Variants in ARHGAP39 observed in about 807,000 individuals in gnomAD.
The protein encoded by ARHGAP39 is rho GTPase-activating protein 39.
ARHGAP39 carries 44 observed loss-of-function variants against 106.9 expected under a neutral mutation model. The ratio of observed to expected loss-of-function variants is 0.41; its 90% CI spans 0.32 to 0.53. The LOEUF (loss-of-function observed/expected upper bound fraction) is 0.53. Ranked by LOEUF, ARHGAP39 falls within the 20% of genes least tolerant of loss-of-function variation. ARHGAP39 has a pLI of 0.21. For synonymous variants in ARHGAP39, 768 were observed against 693.2 expected (o/e 1.11, Z -1.69); for missense variants, 1,496 against 1,577.3 (o/e 0.95, Z 0.87).
At chr8:144,595,226 T>C (rs912819490) in intron 2 of ARHGAP39, among the ~76,000 whole-genome samples, 2 of 152,038 alleles carry the variant, frequency 1.3e-5, no homozygotes, top group Non-Finnish European at 2.9e-5. Context: ...AGAAGCAAAA[T>C]GTGGCCCATC....
chr8:144,658,172 C>T (rs1364962708), intron 1 of ARHGAP39, among the ~76,000 whole-genome samples: 20 of 152,080 alleles, frequency 1.3e-4, no homozygotes, highest in East Asian at 3.8e-4. Context: ...TGAAATGGCG[C>T]GATCTTGGCT....
At chr8:144,649,453 AAATAAT>A (rs542854582) in intron 1 of ARHGAP39, among the ~76,000 whole-genome samples, 6 of 151,928 alleles carry the variant, frequency 3.9e-5, no homozygotes, top group African/African-American at 9.7e-5. Context: ...CCGTCTCAAA[AAATAAT>A]AATAATAAAT....
intron 1 of ARHGAP39, among the ~76,000 whole-genome samples, chr8:144,663,539 A>G (rs1821887050): frequency 6.6e-6 from 1 of 152,168 alleles, no homozygotes; most frequent in Non-Finnish European, 1.5e-5. Flanking sequence ...ATTAAACTTC[A>G]ACACAAGACC....
chr8:144,603,706 G>C (rs1443502841), intron 2 of ARHGAP39, among the ~76,000 whole-genome samples: 1 of 139,994 alleles, frequency 7.1e-6, no homozygotes, highest in East Asian at 2.0e-4. Context: ...AAAAAAAAAA[G>C]AGGCCAAAAA....
intron 3 of ARHGAP39, among the ~76,000 whole-genome samples, chr8:144,556,094 G>A (rs1457841104): frequency 6.6e-6 from 1 of 152,086 alleles, no homozygotes; most frequent in Admixed American, 6.5e-5. Flanking sequence ...GACCATCCTG[G>A]CTAACATGGT....
rs111966287 is a variant in ARHGAP39 at position 144,578,946 on chromosome 8, T to A, written c.512+1900A>T. On this transcript the variant is annotated intron_variant, in intron 3 of 11. Transcript: ENST00000377307. ...AAAAGGGGCCAGGCGTGGTGGCTCA[T>A]GCCTGTAATCCCAGCACTTTGGGAG... Among the ~76,000 whole-genome samples the A allele has an allele frequency of 2.6e-5, 4 of 151,670 alleles. No individual in the cohort carries two copies. The East Asian group carries it at 7.7e-4, about 29-fold the overall frequency.
intron 7 of ARHGAP39, among the ~76,000 whole-genome samples, chr8:144,535,795 TGAA>T (rs60053092): frequency 0.028 from 4,201 of 152,326 alleles, 186 homozygotes; most frequent in African/African-American, 0.096. Context: ...TCTCAGCTGA[TGAA>T]GGTGATCATA....
intron 1 of ARHGAP39, among the ~76,000 whole-genome samples, chr8:144,635,384 T>TG (rs1451111999): frequency 6.6e-6 from 1 of 152,084 alleles, no homozygotes; most frequent in Non-Finnish European, 1.5e-5. Flanking sequence ...GCTGAACACA[T>TG]GGGGGGAGGT....
rs114508042 is a variant in ARHGAP39, at chr8:144,535,123, G to A, written c.2615-921C>T. 4.2e-3 allele frequency among the ~76,000 whole-genome samples: 647 copies of A among 152,296 alleles called. 3 individuals are homozygous for A. Among genetic ancestry groups the A allele is most frequent in the African/African-American group, 0.014 (596 of 41,556 alleles). ...CAGCGCCTACCGCCTGCCAGGGTGAGGGGGGCCTCTGGATCCTGACCCCCA... is the reference window on the plus strand; with the variant it reads ...CAGCGCCTACCGCCTGCCAGGGTGAAGGGGGCCTCTGGATCCTGACCCCCA... On this transcript the variant is annotated intron_variant, in intron 7 of 11. Coordinates refer to ENST00000377307, the MANE Select transcript of ARHGAP39 (RefSeq NM_025251.3).
At chr8:144,530,655 C>CGGGGGG in intron 11 of ARHGAP39, 39 bp from the exon 12 acceptor site, 2 of 310,956 alleles carry the variant, frequency 6.4e-6, no homozygotes, top group Admixed American at 2.6e-4. Flanking sequence ...GGGGCGGGGG[C>CGGGGGG]GGGGCGGGGA....
At chr8:144,561,253 GTCCATCAGACCCCAGTGGTT>G (rs1469222729) in intron 3 of ARHGAP39, among the ~76,000 whole-genome samples, 9,759 of 140,706 alleles carry the variant, frequency 0.069, 1,226 homozygotes, top group African/African-American at 0.24. Context: ...CTCCAGTGGT[GTCCATCAGACCCCAGTGGTT>G]TCCATCACAC....
chr8:144,595,086 A>G (rs73377665), intron 2 of ARHGAP39, among the ~76,000 whole-genome samples: 283 of 152,316 alleles, frequency 1.9e-3, no homozygotes, highest in African/African-American at 6.5e-3. Context: ...CAATTCCACA[A>G]CTAGGTATAC....
At chr8:144,602,874 G>A (rs570701284) in intron 2 of ARHGAP39, among the ~76,000 whole-genome samples, 7 of 133,410 alleles carry the variant, frequency 5.2e-5, no homozygotes, top group African/African-American at 2.0e-4. Context: ...CTGTGTGCAT[G>A]TGTGTGGTGT....
intron 2 of ARHGAP39, among the ~76,000 whole-genome samples, chr8:144,594,587 G>A (rs1240684119): frequency 6.6e-6 from 1 of 151,984 alleles, no homozygotes; most frequent in African/African-American, 2.4e-5. Context: ...CTAGCTACTC[G>A]GGAGGCTGAG....
At chr8:144,602,986 T>C (rs1820114609) in intron 2 of ARHGAP39, among the ~76,000 whole-genome samples, 2 of 140,038 alleles carry the variant, frequency 1.4e-5, no homozygotes, top group Admixed American at 7.0e-5. Context: ...CGTGTACCTG[T>C]GTGCATGTGC....
intron 7 of ARHGAP39, among the ~76,000 whole-genome samples, chr8:144,536,968 G>C (rs1253092101): frequency 6.6e-6 from 1 of 152,250 alleles, no homozygotes; most frequent in Non-Finnish European, 1.5e-5. Context: ...GCTCTAGACA[G>C]ATGAGTGGGC....
chr8:144,652,280 A>G (rs1353125190), intron 1 of ARHGAP39, among the ~76,000 whole-genome samples: 1 of 152,212 alleles, frequency 6.6e-6, no homozygotes, highest in Admixed American at 6.5e-5. Context: ...GATGCTAGTG[A>G]GGTTGTGGAG....
In ARHGAP39 at chr8:144,539,319, G is replaced by A. The variant is rs1001696433; in HGVS notation, c.2522-1506C>T. On this transcript the variant is annotated intron_variant, in intron 6 of 11. Coordinates refer to ENST00000377307, the MANE Select transcript of ARHGAP39 (RefSeq NM_025251.3). The stretch of plus-strand genomic sequence containing the variant: ...CCTCTAACTTGATTCCACTACCGCC[G>A]ACAGTCGCCCCGGCTTCCTCCCTTT... Among the ~76,000 whole-genome samples the A allele has an allele frequency of 5.9e-5, 9 of 152,144 alleles. 1 individual carries two copies. The highest frequency in any genetic ancestry group is 2.6e-4 in the Admixed American group (4 of 15,278).
Position 144,648,486 on chromosome 8 carries a change from G to C in ARHGAP39, c.-82+37200C>G, listed in dbSNP as rs185984524. The stretch of plus-strand genomic sequence containing the variant: ...CAGAACTACTGAAGGGCTCGTTCCA[G>C]AAAGAAAACAGCCTAGGAGGAAACC... On this transcript the variant is annotated intron_variant, in intron 1 of 11. Transcript: ENST00000377307. Among the ~76,000 whole-genome samples the C allele has an allele frequency of 4.8e-3, 728 of 152,326 alleles. 7 individuals carry two copies. Among genetic ancestry groups the C allele is most frequent in the African/African-American group, 0.016 (681 of 41,566 alleles).
Sources: allele counts gnomAD v4.1 joint callset (sites outside exome capture counted in the v4.1 genomes callset), GRCh38; gene constraint gnomAD v4.1.1; transcripts MANE v1.5; gene names NCBI Gene and HGNC (gene_info 2026-07-23, HGNC 2026-07-21).